Variants in IL17RD observed in about 807,000 individuals in gnomAD.
IL17RD encodes interleukin 17 receptor D, also known as interleukin-17 receptor D.
Under a neutral mutation model 80.5 loss-of-function variants are expected in IL17RD, and 52 were observed. The observed-to-expected ratio is 0.65, with a 90% CI of 0.52 to 0.81. IL17RD has a LOEUF of 0.81. Ranked by LOEUF, IL17RD falls within the 40% of genes least tolerant of loss-of-function variation. The pLI is 0.00. For synonymous variants in IL17RD, 416 were observed against 391.8 expected, an observed-to-expected ratio of 1.06 and a Z score of -0.73; for missense variants, 1,024 against 955.1, an observed-to-expected ratio of 1.07 and a Z score of -0.95.
chr3:57,124,111 T>C (rs577656637), intron 1 of IL17RD, among the ~76,000 whole-genome samples: 5 of 152,316 alleles, frequency 3.3e-5, no homozygotes, highest in African/African-American at 9.6e-5. Flanking sequence ...TCTCAGCACA[T>C]GCATCACAGA....
chr3:57,122,430 G>A (rs1347032604), intron 1 of IL17RD, among the ~76,000 whole-genome samples: 6 of 152,202 alleles, frequency 3.9e-5, no homozygotes, highest in East Asian at 1.9e-4. Flanking sequence ...GAGCCAGGCC[G>A]CGCAGCAGGT....
chr3:57,150,952 G>C (rs1250494167), intron 1 of IL17RD, among the ~76,000 whole-genome samples: 1 of 152,120 alleles, frequency 6.6e-6, no homozygotes, highest in Non-Finnish European at 1.5e-5. Context: ...ACTTTGAAAA[G>C]TTTAAGATGA....
chr3:57,150,933 C>G (rs1183935533), intron 1 of IL17RD, among the ~76,000 whole-genome samples: 1 of 152,122 alleles, frequency 6.6e-6, no homozygotes, highest in African/African-American at 2.4e-5. Flanking sequence ...CTGAGGATTC[C>G]TGGAAAACAC....
rs114356445 is a variant in IL17RD at position 57,141,010 on chromosome 3, A to T, written c.127-20697T>A. Among the ~76,000 whole-genome samples the T allele has an allele frequency of 2.3e-3, 357 of 152,126 alleles. 1 individual carries two copies. The highest frequency in any genetic ancestry group is 8.2e-3 in the African/African-American group (339 of 41,482). Reference sequence around the variant, plus strand: ...CTGGGCTCAAACGATCCTCTGCCTCAGCCTTCTAAGTAGCTGGGAGAACTA... The same window carrying T: ...CTGGGCTCAAACGATCCTCTGCCTCTGCCTTCTAAGTAGCTGGGAGAACTA... On this transcript the variant is annotated intron_variant, in intron 1 of 12. Coordinates refer to ENST00000296318, the MANE Select transcript of IL17RD (RefSeq NM_017563.5).
chr3:57,168,926 C>T (rs550686216), upstream of IL17RD, among the ~76,000 whole-genome samples: 1 of 152,206 alleles, frequency 6.6e-6, no homozygotes, highest in Non-Finnish European at 1.5e-5. Context: ...CCATGTTGGC[C>T]AGGCTGGTCT....
intron 1 of IL17RD, among the ~76,000 whole-genome samples, chr3:57,137,063 T>C (rs1331683530): frequency 6.6e-6 from 1 of 152,082 alleles, no homozygotes; most frequent in African/African-American, 2.4e-5. Context: ...GGGAAGGAAG[T>C]TTATTTCAAG....
upstream of IL17RD, chr3:57,165,446 TG>T: frequency 2.2e-6 from 1 of 449,116 alleles, no homozygotes; most frequent in Non-Finnish European, 3.1e-6. Flanking sequence ...TCAGTCCTCG[TG>T]TGCTGGCCCC....
At chr3:57,108,880 G>A (rs1292310520) in intron 5 of IL17RD, among the ~76,000 whole-genome samples, 1 of 151,868 alleles carries the variant, frequency 6.6e-6, no homozygotes, top group Non-Finnish European at 1.5e-5. Context: ...AAACTCGTGG[G>A]CTCAAGTGAT....
intron 1 of IL17RD, among the ~76,000 whole-genome samples, chr3:57,133,143 C>T (rs1267309709): frequency 2.0e-5 from 3 of 152,212 alleles, no homozygotes. Context: ...AAGTCCCCCA[C>T]AAGTTTATTT....
At chr3:57,125,769 C>T (rs1358496742) in intron 1 of IL17RD, among the ~76,000 whole-genome samples, 6 of 152,134 alleles carry the variant, frequency 3.9e-5, no homozygotes, top group Non-Finnish European at 8.8e-5. Context: ...TCAAGGAGGC[C>T]TAGTAACTCC....
In IL17RD at chr3:57,114,803, A is replaced by G. The variant is rs777688416; in HGVS notation, c.199T>C (p.Leu67=). 1.2e-6 allele frequency: 2 copies of G among 1,605,680 alleles called. No individual in the cohort carries two copies. The highest frequency in any genetic ancestry group is 2.2e-5 in the East Asian group (1 of 44,706). ...TFKYDNCTTY[L]NPVGKHVIAD... is the part of the protein sequence containing the mutation. Reference sequence around the variant, plus strand: ...ATCACATGCTTCCCCACTGGATTCAAGTAGGTGGTACAATCTAGAGAGTAG... The same window carrying G: ...ATCACATGCTTCCCCACTGGATTCAGGTAGGTGGTACAATCTAGAGAGTAG... The change falls in exon 3 of 13, where the codon TTG becomes CTG. Residue 67 remains leucine (L), a synonymous_variant. Coordinates refer to ENST00000296318, the MANE Select transcript of IL17RD (RefSeq NM_017563.5).
chr3:57,150,730 TAAAC>T (rs904016751), intron 1 of IL17RD, among the ~76,000 whole-genome samples: 7 of 152,244 alleles, frequency 4.6e-5, no homozygotes, highest in African/African-American at 1.4e-4. Context: ...TTTTTGAAAA[TAAAC>T]AAAAACTCAA....
chr3:57,158,542 G>A (rs2060283514), intron 1 of IL17RD, among the ~76,000 whole-genome samples: 1 of 152,096 alleles, frequency 6.6e-6, no homozygotes, highest in South Asian at 2.1e-4. Flanking sequence ...AGGACAGCTG[G>A]TACCTATTAA....
intron 12 of IL17RD, among the ~76,000 whole-genome samples, chr3:57,097,280 C>G (rs1440283876): frequency 2.0e-5 from 3 of 152,138 alleles, no homozygotes; most frequent in African/African-American, 4.8e-5. Flanking sequence ...TACCCAAGAC[C>G]CTTGGGGCCC....
chr3:57,119,279 G>A (rs1231719415), intron 2 of IL17RD, among the ~76,000 whole-genome samples: 1 of 151,916 alleles, frequency 6.6e-6, no homozygotes, highest in Non-Finnish European at 1.5e-5. Flanking sequence ...ACGGACCCGG[G>A]AGGTGGAGCT....
intron 1 of IL17RD, among the ~76,000 whole-genome samples, chr3:57,157,690 C>T (rs1298507513): frequency 1.3e-5 from 2 of 152,222 alleles, no homozygotes; most frequent in African/African-American, 2.4e-5. Flanking sequence ...GCATTTTCCT[C>T]AGATAAAAGG....
rs1158721452 is a variant in IL17RD, at chr3:57,092,672, C to T, written c.*3721G>A. The T allele has an allele frequency of 3.9e-5, 6 of 152,138 alleles. No homozygotes were observed. Among genetic ancestry groups the T allele is most frequent in the African/African-American group, 4.8e-5 (2 of 41,424 alleles). The allele number at this position is 152,138 out of a possible 1,614,324, so 9.4% of individuals were successfully genotyped here. ...ATTCTGAAATTAACAACTGGCTTGC[C>T]TTTCTTTTAAGACACTGTGAAATGT... is the stretch of plus-strand genomic sequence containing the variant. On this transcript the variant is annotated 3_prime_UTR_variant, in exon 13 of 13. Transcript: ENST00000296318.
chr3:57,135,143 C>A (rs913829781), intron 1 of IL17RD, among the ~76,000 whole-genome samples: 54 of 139,842 alleles, frequency 3.9e-4, no homozygotes, highest in African/African-American at 1.4e-3. Flanking sequence ...ACAAAAAACA[C>A]ACAAAAAAAA....
At chr3:57,161,602 G>T (rs984664791) in intron 1 of IL17RD, among the ~76,000 whole-genome samples, 1 of 152,144 alleles carries the variant, frequency 6.6e-6, no homozygotes, top group Non-Finnish European at 1.5e-5. Flanking sequence ...ACCCCATTTA[G>T]GTAAGGAGGC....
Sources: gnomAD v4.1 joint callset for allele counts (sites outside exome capture counted in the v4.1 genomes callset) on GRCh38, gnomAD v4.1.1 for gene constraint, MANE v1.5 for transcripts, NCBI Gene and HGNC (gene_info 2026-07-23, HGNC 2026-07-21) for gene names.